The following BRSK1 variants were observed in gnomAD, a reference collection of about 807,000 sequenced individuals.
BRSK1 encodes the protein BR serine/threonine kinase 1, also known as serine/threonine-protein kinase BRSK1.
A neutral mutation model predicts 86.2 loss-of-function variants in BRSK1; 17 were observed. That is an observed-to-expected ratio of 0.20 (90% CI 0.14 to 0.30). The LOEUF is 0.30. BRSK1 is among the 10% of genes least tolerant of loss of function. The pLI, the probability that BRSK1 is intolerant of heterozygous loss-of-function variation, is 1.00. For synonymous variants in BRSK1, 464 were observed against 440.1 expected (o/e 1.05, Z -0.68); for missense variants, 719 against 1,071.9 (o/e 0.67, Z 4.60).
intron 3 of BRSK1, among the ~76,000 whole-genome samples, chr19:55,288,742 C>G (rs923508161): frequency 6.6e-6 from 1 of 151,930 alleles, no homozygotes; most frequent in African/African-American, 2.4e-5. Flanking sequence ...CGCACCACCA[C>G]GCCCAGCTAA....
intron 7 of BRSK1, among the ~76,000 whole-genome samples, chr19:55,301,119 A>C (rs1255023498): frequency 6.6e-6 from 1 of 152,224 alleles, no homozygotes; most frequent in Non-Finnish European, 1.5e-5. Flanking sequence ...AGCCTCACTC[A>C]GTCGCTCGTC....
At chr19:55,292,935 G>A (rs939583239) in intron 4 of BRSK1, among the ~76,000 whole-genome samples, 6 of 152,088 alleles carry the variant, frequency 3.9e-5, no homozygotes, top group Admixed American at 3.3e-4. Context: ...TTGAGCTGGG[G>A]AGGTCAAGGC....
chr19:55,288,429 G>A (rs1294421888), intron 3 of BRSK1, among the ~76,000 whole-genome samples: 1 of 146,124 alleles, frequency 6.8e-6, no homozygotes, highest in Non-Finnish European at 1.5e-5. Context: ...AGCCAAGATC[G>A]TGCCACTGCA....
In BRSK1 at chr19:55,312,207, G is replaced by A; in HGVS notation, c.*139G>A. On this transcript the variant is annotated 3_prime_UTR_variant, in exon 19 of 19. Coordinates refer to ENST00000309383, the MANE Select transcript of BRSK1 (RefSeq NM_032430.2). ...ACCGGCCTTGCCCTGCAGGGATGGG[G>A]CTCCACAGGCCGTGCCCAACTGGGG... 2 of 476,190 alleles carry A rather than the reference G, an allele frequency of 4.2e-6. No homozygotes were observed. The highest frequency in any genetic ancestry group is 7.4e-6 in the Non-Finnish European group (2 of 269,660). 29.5% of individuals were successfully genotyped at this position (476,190 alleles called of 1,614,324 possible).
At chr19:55,288,171 T>C (rs2088348339) in intron 3 of BRSK1, 1 of 152,296 alleles carries the variant, frequency 6.6e-6, no homozygotes, top group Admixed American at 6.5e-5. Flanking sequence ...CCCAGCCATC[T>C]AAGAGCTCAT....
chr19:55,295,445 G>A (rs993405452), intron 7 of BRSK1, among the ~76,000 whole-genome samples: 10 of 152,150 alleles, frequency 6.6e-5, no homozygotes, highest in Non-Finnish European at 1.0e-4. Flanking sequence ...TATTTCACTG[G>A]TAATGGGAAA....
In BRSK1 at chr19:55,304,747, C is replaced by T. The variant is rs575665542; in HGVS notation, c.1544C>T (p.Thr515Ile). 2.6e-6 allele frequency: 4 copies of T among 1,534,192 alleles called. No individual in the cohort carries two copies. The highest frequency in any genetic ancestry group is 8.7e-7 in the Non-Finnish European group (1 of 1,145,430). The change falls in exon 14 of 19, where the codon ACC becomes ATC. Residue 515 changes from threonine to isoleucine, a missense_variant. Physicochemically the swap from Thr to Ile is moderately conservative, Grantham distance 89 (BLOSUM62 -1). This residue lies in a region of BRSK1 where 143 missense variants were observed against 120.1 expected (regional missense o/e 1.19). Transcript: ENST00000309383. This position sits in a 1 kb window ranked among gnomAD's most constrained non-coding sequence, Gnocchi z 5.2. ...PPGSPRSSGGTPLHSPLHTPR... is the reference protein window; with the variant it reads ...PPGSPRSSGGIPLHSPLHTPR... ...GGCTCCCCGCGCTCCTCTGGCGGGACCCCCTTGCACTCGCCTCTGCACACG... is the reference window on the plus strand; with the variant it reads ...GGCTCCCCGCGCTCCTCTGGCGGGATCCCCTTGCACTCGCCTCTGCACACG...
chr19:55,284,164 C>G lies in BRSK1; in HGVS notation c.-279C>G. On this transcript the variant is annotated 5_prime_UTR_variant, in exon 1 of 19. Transcript: ENST00000309383. The stretch of plus-strand genomic sequence containing the variant: ...CCCCGGCGGGGGGAGGCGCAGGAAG[C>G]GGGGGGCCGGCCAGAAACGGGCTGG... 3.7e-6 allele frequency: 3 copies of G among 819,958 alleles called. No homozygotes were observed. Among genetic ancestry groups the G allele is most frequent in the Non-Finnish European group, 3.2e-6 (2 of 627,826 alleles). 50.8% of individuals were successfully genotyped at this position (819,958 alleles called of 1,614,324 possible).
chr19:55,303,332 A>T lies in BRSK1; in HGVS notation c.1050A>T (p.Ile350=). The change falls in exon 11 of 19, where the codon ATA becomes ATT. Residue 350 remains isoleucine, a synonymous_variant. Coordinates refer to ENST00000309383, the MANE Select transcript of BRSK1 (RefSeq NM_032430.2). This position sits in a 1 kb window ranked among gnomAD's most constrained non-coding sequence, Gnocchi z 5.1. ...TTAGGGAGAACCAAGAAAAGATGATATATTATCTGCTTTTGGATCGGAAGG... is the reference window on the plus strand; with the variant it reads ...TTAGGGAGAACCAAGAAAAGATGATTTATTATCTGCTTTTGGATCGGAAGG... ...RSEEENQEKM[I]YYLLLDRKER... 6.2e-7 allele frequency: 1 copy of T among 1,613,842 alleles called. No homozygotes were observed. The highest frequency in any genetic ancestry group is 1.3e-5 in the African/African-American group (1 of 75,014).
At chr19:55,290,242 C>T (rs1030043766) in intron 4 of BRSK1, among the ~76,000 whole-genome samples, 22 of 152,262 alleles carry the variant, frequency 1.4e-4, no homozygotes, top group Non-Finnish European at 2.2e-4. Context: ...GTGATCTGCC[C>T]GCCTAGGCCT....
rs184047905 is a variant in BRSK1 at position 55,306,487 on chromosome 19, T to G, written c.2089+37T>G. 1.2e-4 allele frequency: 191 copies of G among 1,605,590 alleles called. 1 individual carries two copies. In the African/African-American group the frequency reaches 2.4e-3, roughly 20 times the overall value. On this transcript the variant is annotated intron_variant, in intron 17 of 18. Transcript: ENST00000309383. This position sits in a 1 kb window ranked among gnomAD's most constrained non-coding sequence, Gnocchi z 4.7. ...GGCTAGGCTGCCTGCAGCCCAGTGC[T>G]GGGACTGTTCACGACAGCTGAGACA...
Position 55,300,991 on chromosome 19 carries a change from C to T in BRSK1, c.679-521C>T, listed in dbSNP as rs565907408. Among the ~76,000 whole-genome samples the T allele has an allele frequency of 6.6e-5, 10 of 151,940 alleles. No individual in the cohort carries two copies. In the East Asian group the frequency reaches 1.7e-3, roughly 26 times the overall value. Reference sequence around the variant, plus strand: ...GCTGTATCACTCCCATCTCTGCCTCCGTCATCACATGACTGTTCTCTGTGC... The same window carrying T: ...GCTGTATCACTCCCATCTCTGCCTCTGTCATCACATGACTGTTCTCTGTGC... On this transcript the variant is annotated intron_variant, in intron 7 of 18. Transcript: ENST00000309383.
chr19:55,305,413 A>G (rs1441219519), intron 15 of BRSK1, 44 bp downstream of exon 15: 17 of 1,613,880 alleles, frequency 1.1e-5, no homozygotes, highest in East Asian at 2.2e-5. Context: ...CAGGGGATTC[A>G]TGCCCTCGGC....
intron 4 of BRSK1, among the ~76,000 whole-genome samples, chr19:55,291,780 A>G (rs1373566187): frequency 6.6e-6 from 1 of 152,136 alleles, no homozygotes; most frequent in Non-Finnish European, 1.5e-5. Context: ...TTATTTTTTG[A>G]GACGGAGTCT....
In BRSK1 at chr19:55,287,742, G is replaced by A. The variant is rs767646473; in HGVS notation, c.317+443G>A. Among the ~76,000 whole-genome samples, 3 of 152,224 alleles carry A rather than the reference G, an allele frequency of 2.0e-5. No homozygotes were observed. The highest frequency in any genetic ancestry group is 2.9e-5 in the Non-Finnish European group (2 of 68,030). On this transcript the variant is annotated intron_variant, in intron 3 of 18. Coordinates refer to ENST00000309383, the MANE Select transcript of BRSK1 (RefSeq NM_032430.2). This position sits in a 1 kb window ranked among gnomAD's most constrained non-coding sequence, Gnocchi z 5.3. ...CTCCCCCGGCATAACTTCGGGTGCC[G>A]TGGCTGGACACCCCAACAATGGGCC...
At chr19:55,305,737 G>T (rs531776496) in intron 16 of BRSK1, 151 bp downstream of exon 16, 3 of 1,254,252 alleles carry the variant, frequency 2.4e-6, no homozygotes, top group Non-Finnish European at 3.3e-6. Flanking sequence ...GAAGTCGGTA[G>T]GCAGGAAAGA....
chr19:55,284,703 G>T, intron 1 of BRSK1, 125 bp downstream of exon 1: 1 of 868,740 alleles, frequency 1.2e-6, no homozygotes, highest in East Asian at 3.4e-5. Flanking sequence ...CATAGAGAAG[G>T]GACTTGGGAT....
Position 55,304,148 on chromosome 19 carries a change from A to C in BRSK1, c.1347+38A>C. The C allele has an allele frequency of 6.3e-7, 1 of 1,577,082 alleles. No homozygotes were observed. The highest frequency in any genetic ancestry group is 8.7e-7 in the Non-Finnish European group (1 of 1,155,628). On this transcript the variant is annotated intron_variant, in intron 13 of 18. Transcript: ENST00000309383. The surrounding 1 kb of genome is among the most constrained non-coding windows in gnomAD (Gnocchi z 5.2). ...CCCCAGTGGGATTTAAGAAGGAGAAAGGGGTGGAGACATGGAGCAAAGATT... is the reference window on the plus strand; with the variant it reads ...CCCCAGTGGGATTTAAGAAGGAGAACGGGGTGGAGACATGGAGCAAAGATT...
intron 4 of BRSK1, among the ~76,000 whole-genome samples, chr19:55,291,799 C>T (rs1291570064): frequency 6.6e-6 from 1 of 152,210 alleles, no homozygotes; most frequent in Non-Finnish European, 1.5e-5. Context: ...CTCGCTGTCA[C>T]CCATCCTGGA....
Sources: gnomAD v4.1 joint callset for allele counts (sites outside exome capture counted in the v4.1 genomes callset) on GRCh38, gnomAD v4.1.1 for gene constraint, gnomAD v4.1.1 regional missense constraint, Gnocchi (gnomAD v3.1) non-coding constraint, MANE v1.5 for transcripts, NCBI Gene and HGNC (gene_info 2026-07-23, HGNC 2026-07-21) for gene names.